The following DOCK3 variants were observed in gnomAD, a reference collection of about 807,000 sequenced individuals.
The protein encoded by DOCK3 is dedicator of cytokinesis protein 3.
In DOCK3, 60 loss-of-function variants were observed where a neutral mutation model predicts 265.6. The ratio of observed to expected loss-of-function variants is 0.23; its 90% CI spans 0.18 to 0.28. The LOEUF (loss-of-function observed/expected upper bound fraction) is 0.28. DOCK3 is among the 10% of genes least tolerant of loss of function. The pLI, the probability that DOCK3 is intolerant of heterozygous loss-of-function variation, is 1.00. For synonymous variants in DOCK3, 881 were observed against 938.0 expected (o/e 0.94, Z 1.11); for missense variants, 1,981 against 2,594.3 (o/e 0.76, Z 5.14).
chr3:51,053,866 AT>A (rs2081097546), intron 5 of DOCK3, among the ~76,000 whole-genome samples: 1 of 151,820 alleles, frequency 6.6e-6, no homozygotes, highest in South Asian at 2.1e-4. Context: ...AATTTGCTTT[AT>A]TTCCTTTGTT....
chr3:51,090,328 G>C lies in DOCK3; in HGVS notation c.690G>C (p.Gly230=). The C allele has an allele frequency of 6.2e-7, 1 of 1,605,078 alleles. No homozygotes were observed. The highest frequency in any genetic ancestry group is 8.5e-7 in the Non-Finnish European group (1 of 1,175,654). Reference sequence around the variant, plus strand: ...AGAGTTTCACTTACAATACTATTGGGGAAGATACCGATGTCTTCTTTTCCT... The same window carrying C: ...AGAGTTTCACTTACAATACTATTGGCGAAGATACCGATGTCTTCTTTTCCT... ...SLKSFTYNTI[G]EDTDVFFSLY... Residue 230 remains glycine, a synonymous_variant, in exon 9 of 53, where the codon GGG becomes GGC. Transcript: ENST00000266037.
intron 6 of DOCK3, among the ~76,000 whole-genome samples, chr3:51,065,020 T>G (rs1056554921): frequency 4.6e-5 from 7 of 152,236 alleles, no homozygotes; most frequent in African/African-American, 1.7e-4. Context: ...AAATGGAAAC[T>G]GTCTACATTT....
intron 4 of DOCK3, among the ~76,000 whole-genome samples, chr3:50,904,176 C>G (rs750456795): frequency 3.3e-5 from 5 of 152,002 alleles, no homozygotes; most frequent in Non-Finnish European, 7.4e-5. Context: ...TGGACATTTG[C>G]GTTGGTTCCA....
At chr3:51,065,722 T>C (rs948216965) in intron 6 of DOCK3, among the ~76,000 whole-genome samples, 6 of 152,212 alleles carry the variant, frequency 3.9e-5, no homozygotes, top group Non-Finnish European at 8.8e-5. Flanking sequence ...TTAAGGACTT[T>C]AAAGTATAAT....
At chr3:51,326,264 ATTT>A (rs35044295) in intron 32 of DOCK3, among the ~76,000 whole-genome samples, 2 of 137,088 alleles carry the variant, frequency 1.5e-5, no homozygotes, top group African/African-American at 2.7e-5. Context: ...ATTTTTTTTA[ATTT>A]TTTTTTTTTT....
chr3:50,849,028 CA>C (rs1396366793), intron 3 of DOCK3, among the ~76,000 whole-genome samples: 2 of 151,850 alleles, frequency 1.3e-5, no homozygotes, highest in Non-Finnish European at 2.9e-5. Flanking sequence ...TGGATGAGCT[CA>C]AAAAACTTTT....
intron 52 of DOCK3, 131 bp from the exon 53 acceptor site, chr3:51,380,919 T>G: frequency 8.2e-7 from 1 of 1,220,630 alleles, no homozygotes; most frequent in Non-Finnish European, 1.1e-6. Flanking sequence ...AGCTTGCTGC[T>G]GAAGAAACAA....
At chr3:51,133,170 T>A (rs111727084) in intron 9 of DOCK3, among the ~76,000 whole-genome samples, 1,871 of 152,148 alleles carry the variant, frequency 0.012, 45 homozygotes, top group African/African-American at 0.041. Flanking sequence ...TGAGTTTTCT[T>A]TATTATTATT....
intron 40 of DOCK3, among the ~76,000 whole-genome samples, chr3:51,351,801 C>A (rs1045820079): frequency 1.3e-5 from 2 of 152,136 alleles, no homozygotes; most frequent in African/African-American, 4.8e-5. Context: ...GGATTACAGG[C>A]ATGCGCCACC....
At chr3:51,375,074 C>G (rs762395291) in intron 50 of DOCK3, among the ~76,000 whole-genome samples, 1 of 152,196 alleles carries the variant, frequency 6.6e-6, no homozygotes, top group Non-Finnish European at 1.5e-5. Flanking sequence ...GCACAGCTCT[C>G]CAAATGCTCT....
Position 51,341,373 on chromosome 3 carries a change from C to T in DOCK3, c.3903C>T (p.Phe1301=). 6.2e-7 allele frequency: 1 copy of T among 1,613,720 alleles called. No homozygotes were observed. The highest frequency in any genetic ancestry group is 8.5e-7 in the Non-Finnish European group (1 of 1,179,756). Reference sequence around the variant, plus strand: ...TGTGCCGGAAGATCATTCACTACTTCAACAAAGGCAAGGTATGCATCATTA... The same window carrying T: ...TGTGCCGGAAGATCATTCACTACTTTAACAAAGGCAAGGTATGCATCATTA... ...EGLCRKIIHY[F]NKGKSWEFGI... is the part of the protein sequence containing the mutation. The change falls in exon 38 of 53, where the codon TTC becomes TTT. Residue 1301 remains phenylalanine, a synonymous_variant. Transcript: ENST00000266037.
At chr3:51,199,369 A>G (rs1007230592) in intron 12 of DOCK3, among the ~76,000 whole-genome samples, 1 of 152,216 alleles carries the variant, frequency 6.6e-6, no homozygotes, top group Admixed American at 6.5e-5. Context: ...TTAAAAAACG[A>G]CACATCAGGA....
intron 5 of DOCK3, among the ~76,000 whole-genome samples, chr3:51,034,756 G>A (rs1438786164): frequency 6.6e-6 from 1 of 152,046 alleles, no homozygotes; most frequent in Non-Finnish European, 1.5e-5. Context: ...AAAAACTTTA[G>A]CATTTCTTTT....
intron 9 of DOCK3, among the ~76,000 whole-genome samples, chr3:51,103,537 C>T (rs2083162003): frequency 6.6e-6 from 1 of 152,162 alleles, no homozygotes; most frequent in Non-Finnish European, 1.5e-5. Context: ...AATTGATAAG[C>T]TACTCCCAAG....
At chr3:51,228,936 C>A in intron 18 of DOCK3, 104 bp downstream of exon 18, 1 of 1,347,944 alleles carries the variant, frequency 7.4e-7, no homozygotes. Flanking sequence ...CTTCTTGATG[C>A]CATAATAATG....
At chr3:50,797,074 G>A (rs2042830310) in intron 2 of DOCK3, among the ~76,000 whole-genome samples, 1 of 152,200 alleles carries the variant, frequency 6.6e-6, no homozygotes, top group Non-Finnish European at 1.5e-5. Context: ...GTTTGCATGT[G>A]CTGCCAGCAG....
chr3:51,190,660 G>T (rs774425169), intron 12 of DOCK3, among the ~76,000 whole-genome samples: 3 of 152,218 alleles, frequency 2.0e-5, no homozygotes, highest in Non-Finnish European at 2.9e-5. Context: ...ACCACCTGCT[G>T]TAGTAGCAGT....
At chr3:51,029,847 C>A (rs1230830078) in intron 5 of DOCK3, among the ~76,000 whole-genome samples, 1 of 152,138 alleles carries the variant, frequency 6.6e-6, no homozygotes, top group Non-Finnish European at 1.5e-5. Context: ...GCTAGCATGG[C>A]ACCTGCCATC....
At chr3:51,257,892 A>G (rs2079637439) in intron 22 of DOCK3, among the ~76,000 whole-genome samples, 1 of 152,196 alleles carries the variant, frequency 6.6e-6, no homozygotes, top group African/African-American at 2.4e-5. Context: ...GGTGGCCAGC[A>G]TCACCTGGTC....
Sources: allele counts gnomAD v4.1 joint callset (sites outside exome capture counted in the v4.1 genomes callset), GRCh38; gene constraint gnomAD v4.1.1; transcripts MANE v1.5; gene names NCBI Gene and HGNC (gene_info 2026-07-23, HGNC 2026-07-21).